Variants in DOCK2 observed in about 807,000 individuals in gnomAD.
The protein encoded by DOCK2 is dedicator of cytokinesis 2.
In DOCK2, 87 loss-of-function variants were observed where a neutral mutation model predicts 248.9. The ratio of observed to expected loss-of-function variants is 0.35; its 90% confidence interval spans 0.29 to 0.42. The LOEUF (loss-of-function observed/expected upper bound fraction) is 0.42, where lower values mean the gene tolerates loss of function less well. DOCK2 is among the 10% of genes least tolerant of loss of function. DOCK2 has a pLI of 1.00. For missense variants in DOCK2, 1,747 were observed against 2,300.2 expected (o/e 0.76, Z 4.92); for synonymous variants, 805 against 821.6 (o/e 0.98, Z 0.35).
intron 44 of DOCK2, among the ~76,000 whole-genome samples, chr5:170,060,447 T>G (rs1361307284): frequency 1.3e-5 from 2 of 152,186 alleles, no homozygotes; most frequent in Non-Finnish European, 2.9e-5. Context: ...CTCCTCCATC[T>G]CTGTTGAATT....
intron 25 of DOCK2, among the ~76,000 whole-genome samples, chr5:169,776,875 CT>C (rs1765415654): frequency 6.6e-6 from 1 of 152,220 alleles, no homozygotes; most frequent in African/African-American, 2.4e-5. Context: ...CAATGCGGAA[CT>C]GTGAGTCAGT....
At chr5:169,698,574 C>A in intron 11 of DOCK2, 125 bp downstream of exon 11, 1 of 1,015,120 alleles carries the variant, frequency 9.9e-7, no homozygotes, top group Non-Finnish European at 1.5e-6. Flanking sequence ...CCAAGGGAAG[C>A]TCAGGGTGAG....
Position 169,985,348 on chromosome 5 carries a change from C to CGTGTGTGTGTGT in DOCK2, c.2899-445_2899-434dup, listed in dbSNP as rs5873200. 1.1e-3 allele frequency among the ~76,000 whole-genome samples: 145 copies of CGTGTGTGTGTGT among 136,852 alleles called. 1 individual carries two copies. Among genetic ancestry groups the CGTGTGTGTGTGT allele is most frequent in the African/African-American group, 3.0e-3 (109 of 36,326 alleles). 89.8% of individuals were successfully genotyped at this position (136,852 alleles called of 152,430 possible). Reference sequence around the variant, plus strand: ...GTCATTGTGTCTCAGCTAATCTGCTCGTGTGTGTGTGTGTGTGTGTGTGTG... The same window carrying CGTGTGTGTGTGT: ...GTCATTGTGTCTCAGCTAATCTGCTCGTGTGTGTGTGTGTGTGTGTGTGTGTGTGTGTGTGTG... On this transcript the variant is annotated intron_variant, in intron 28 of 51. Coordinates refer to ENST00000520908, the MANE Select transcript of DOCK2 (RefSeq NM_004946.3).
At chr5:169,717,053 G>T (rs1404168344) in intron 20 of DOCK2, among the ~76,000 whole-genome samples, 2 of 152,150 alleles carry the variant, frequency 1.3e-5, no homozygotes, top group Non-Finnish European at 2.9e-5. Context: ...GGGAAGTGTT[G>T]AATGTTGCAT....
At chr5:169,931,619 A>T (rs934677736) in intron 27 of DOCK2, among the ~76,000 whole-genome samples, 3 of 152,190 alleles carry the variant, frequency 2.0e-5, no homozygotes, top group African/African-American at 7.2e-5. Context: ...CTGACACAAG[A>T]TCTCTGAGCC....
chr5:170,081,339 G>A, intron 50 of DOCK2: 1 of 156,348 alleles, frequency 6.4e-6, no homozygotes, highest in Non-Finnish European at 1.4e-5. Context: ...CTCCCATTTG[G>A]CCAATGTCAA....
At chr5:170,077,201 A>G in intron 47 of DOCK2, among the ~76,000 whole-genome samples, 1 of 152,182 alleles carries the variant, frequency 6.6e-6, no homozygotes, top group East Asian at 1.9e-4. Flanking sequence ...ATGTATGATT[A>G]CCAGCCAGAG....
chr5:170,061,434 G>C (rs79656147), intron 44 of DOCK2, among the ~76,000 whole-genome samples: 5,877 of 152,312 alleles, frequency 0.039, 403 homozygotes, highest in African/African-American at 0.13. Flanking sequence ...ATGAGCATGG[G>C]TGTAATGTGG....
intron 27 of DOCK2, among the ~76,000 whole-genome samples, chr5:169,975,699 T>C (rs959886264): frequency 2.0e-5 from 3 of 152,212 alleles, no homozygotes; most frequent in Non-Finnish European, 1.5e-5. Flanking sequence ...CTCCATGCTA[T>C]TGCTTTGTAA....
chr5:169,674,555 G>T, intron 6 of DOCK2, 110 bp downstream of exon 6: 1 of 1,507,808 alleles, frequency 6.6e-7, no homozygotes, highest in South Asian at 1.3e-5. Flanking sequence ...GTCACTTTCT[G>T]TTTGGGAGAA....
chr5:169,753,692 C>T (rs1471563909), intron 23 of DOCK2, among the ~76,000 whole-genome samples: 1 of 152,106 alleles, frequency 6.6e-6, no homozygotes, highest in Non-Finnish European at 1.5e-5. Flanking sequence ...TCAGGGGACC[C>T]CATAAAGTTG....
In DOCK2 at chr5:169,966,855, C is replaced by T. The variant is rs377640983; in HGVS notation, c.2800-16213C>T. Reference sequence around the variant, plus strand: ...GAGGTTACTTTCCACACAGATCAGACTTTGGTCTAATGTTTTTGAGGAACC... The same window carrying T: ...GAGGTTACTTTCCACACAGATCAGATTTTGGTCTAATGTTTTTGAGGAACC... On this transcript the variant is annotated intron_variant, in intron 27 of 51. Transcript: ENST00000520908. 2.8e-4 allele frequency among the ~76,000 whole-genome samples: 43 copies of T among 152,314 alleles called. 1 individual carries two copies. The South Asian group carries it at 8.3e-3, about 29-fold the overall frequency.
intron 45 of DOCK2, among the ~76,000 whole-genome samples, chr5:170,068,273 T>C (rs1217531410): frequency 6.6e-6 from 1 of 152,218 alleles, no homozygotes; most frequent in African/African-American, 2.4e-5. Context: ...ATGAGTTACA[T>C]TATCCACTGG....
At chr5:169,846,230 C>T (rs887483923) in intron 27 of DOCK2, among the ~76,000 whole-genome samples, 14 of 152,218 alleles carry the variant, frequency 9.2e-5, no homozygotes, top group East Asian at 5.8e-4. Context: ...CATTCTTATA[C>T]GGGATTAGTG....
At chr5:169,921,494 C>T (rs181632944) in intron 27 of DOCK2, among the ~76,000 whole-genome samples, 7 of 152,316 alleles carry the variant, frequency 4.6e-5, no homozygotes, top group South Asian at 2.1e-4. Context: ...ACACTAAGCA[C>T]GTGGATCAAC....
intron 27 of DOCK2, among the ~76,000 whole-genome samples, chr5:169,904,004 A>G (rs574848748): frequency 1.3e-5 from 2 of 149,686 alleles, no homozygotes; most frequent in East Asian, 4.0e-4. Flanking sequence ...GAGGCATGAG[A>G]ATTGCTTGAG....
At chr5:169,948,984 C>T (rs915091945) in intron 27 of DOCK2, among the ~76,000 whole-genome samples, 9 of 152,074 alleles carry the variant, frequency 5.9e-5, no homozygotes, top group Non-Finnish European at 1.3e-4. Flanking sequence ...TTATATGCAT[C>T]CAGTTACAAA....
chr5:169,891,698 AAGTC>A (rs371668319), intron 27 of DOCK2, among the ~76,000 whole-genome samples: 13 of 152,174 alleles, frequency 8.5e-5, no homozygotes, highest in African/African-American at 1.4e-4. Flanking sequence ...AAAAAGAACA[AAGTC>A]AGCCGGGCAC....
intron 30 of DOCK2, chr5:169,997,981 C>T (rs562780426): frequency 1.1e-5 from 5 of 456,260 alleles, no homozygotes; most frequent in South Asian, 7.7e-5. Flanking sequence ...TAGGGTTTTT[C>T]CAGAACTGGA....
Sources: gnomAD v4.1 joint callset for allele counts (sites outside exome capture counted in the v4.1 genomes callset) on GRCh38, gnomAD v4.1.1 for gene constraint, MANE v1.5 for transcripts, NCBI Gene and HGNC (gene_info 2026-07-23, HGNC 2026-07-21) for gene names.